Variants in KIF24 observed in about 807,000 individuals in gnomAD.
KIF24 encodes the protein kinesin family member 24, also known as kinesin-like protein KIF24.
Under a neutral mutation model 118.9 loss-of-function variants are expected in KIF24, and 81 were observed. The observed-to-expected ratio is 0.68, with a 90% CI of 0.57 to 0.82. The LOEUF is 0.82. KIF24 is among the 40% of genes least tolerant of loss of function. The pLI, the probability that KIF24 is intolerant of heterozygous loss-of-function variation, is 0.00. For synonymous variants in KIF24, 599 were observed against 610.0 expected (o/e 0.98, Z 0.27); for missense variants, 1,560 against 1,661.6 (o/e 0.94, Z 1.06).
At chr9:34,282,722 C>G (rs1379451021) in intron 6 of KIF24, 3 of 152,008 alleles carry the variant, frequency 2.0e-5, no homozygotes, top group Non-Finnish European at 2.9e-5. Flanking sequence ...TACATTTGAT[C>G]TTAGCCAAAA....
At chr9:34,321,845 G>A (rs1837536213) in intron 1 of KIF24, among the ~76,000 whole-genome samples, 1 of 151,676 alleles carries the variant, frequency 6.6e-6, no homozygotes, top group Non-Finnish European at 1.5e-5. Context: ...GGGCTCAAGC[G>A]ATCCTCTTGC....
chr9:34,316,772 G>T (rs552754686), intron 1 of KIF24, among the ~76,000 whole-genome samples: 2 of 152,210 alleles, frequency 1.3e-5, no homozygotes, highest in South Asian at 4.2e-4. Flanking sequence ...AACTCCTAAA[G>T]TAAAAATAGT....
At chr9:34,299,215 C>T (rs943021483) in intron 3 of KIF24, among the ~76,000 whole-genome samples, 1 of 151,922 alleles carries the variant, frequency 6.6e-6, no homozygotes, top group Non-Finnish European at 1.5e-5. Flanking sequence ...GAGTCTCACT[C>T]TGTTGCCCAG....
chr9:34,317,142 G>A (rs748992532), intron 1 of KIF24, among the ~76,000 whole-genome samples: 3 of 151,768 alleles, frequency 2.0e-5, no homozygotes, highest in Non-Finnish European at 2.9e-5. Flanking sequence ...CACTTGTACC[G>A]GGAAAGTGGA....
chr9:34,284,506 A>G (rs1300126976), intron 6 of KIF24, among the ~76,000 whole-genome samples: 1 of 152,192 alleles, frequency 6.6e-6, no homozygotes, highest in Non-Finnish European at 1.5e-5. Context: ...TACAGAAAAT[A>G]AAAATGAAGA....
Position 34,318,998 on chromosome 9 carries a change from C to A in KIF24, c.-25-7627G>T. On this transcript the variant is annotated intron_variant, in intron 1 of 12. Coordinates refer to ENST00000402558, the MANE Select transcript of KIF24 (RefSeq NM_194313.4). The surrounding 1 kb of genome is among the most constrained non-coding windows in gnomAD (Gnocchi z 4.9). The stretch of plus-strand genomic sequence containing the variant: ...GGACATGGAGTGCATGGATGGCGCC[C>A]TGCTTGTCAACACCATGTTCTTCAA... 6 of 1,239,660 alleles carry A rather than the reference C, an allele frequency of 4.8e-6. No homozygotes were observed. The South Asian group carries it at 6.0e-5, about 12-fold the overall frequency. The allele number at this position is 1,239,660 out of a possible 1,614,324, so 76.8% of individuals were successfully genotyped here.
chr9:34,268,082 A>C (rs915873719), intron 8 of KIF24, among the ~76,000 whole-genome samples: 1 of 152,230 alleles, frequency 6.6e-6, no homozygotes, highest in Non-Finnish European at 1.5e-5. Flanking sequence ...TATAATACTT[A>C]TTGGATAATA....
In KIF24 at chr9:34,262,380, G is replaced by A. The variant is rs138861316; in HGVS notation, c.1515+721C>T. ...ATGACAGGCTGAGTATCCCTTCTCC[G>A]AAACGCTTGGGAAGAAAAGTTGTTT... On this transcript the variant is annotated intron_variant, in intron 9 of 12. Coordinates refer to ENST00000402558, the MANE Select transcript of KIF24 (RefSeq NM_194313.4). Among the ~76,000 whole-genome samples, 173 of 151,990 alleles carry A rather than the reference G, an allele frequency of 1.1e-3. 1 individual carries two copies. The highest frequency in any genetic ancestry group is 1.9e-3 in the Admixed American group (29 of 15,256).
In KIF24 at chr9:34,259,600, C is replaced by A; in HGVS notation, c.1621G>T (p.Asp541Tyr). ...EHTLNTLRYA[D>Y]RVKELKKGIK... ...GCCATCTGGGAGCTGACTTACCGGT[C>A]AGCATAGCGCAAGGTGTTGAGAGTG... The change falls in exon 10 of 13, where the codon GAC becomes TAC. Residue 541 changes from aspartate to tyrosine, a missense_variant. By Grantham distance (160) the Asp-to-Tyr change is radical. Around this residue, in one of 3 missense-constraint regions of KIF24, gnomAD observed 964 missense variants for 988.0 expected, o/e 0.98. Transcript: ENST00000402558. The A allele has an allele frequency of 1.9e-6, 3 of 1,613,132 alleles. No homozygotes were observed. In the South Asian group the frequency reaches 3.3e-5, roughly 18 times the overall value.
intron 5 of KIF24, among the ~76,000 whole-genome samples, chr9:34,288,479 C>T (rs1190884570): frequency 6.6e-6 from 1 of 151,332 alleles, no homozygotes. Flanking sequence ...CAGAGCAATA[C>T]CTTGCCTCAG....
chr9:34,282,661 G>C (rs1835889291), intron 6 of KIF24: 1 of 151,030 alleles, frequency 6.6e-6, no homozygotes, highest in Non-Finnish European at 1.5e-5. Flanking sequence ...GCTGAGAAAA[G>C]ATACTACACT....
At chr9:34,287,326 G>A (rs1383976479) in intron 5 of KIF24, among the ~76,000 whole-genome samples, 4 of 152,310 alleles carry the variant, frequency 2.6e-5, no homozygotes, top group African/African-American at 9.6e-5. Flanking sequence ...GCTTAAGCTA[G>A]TACACATGGG....
intron 1 of KIF24, among the ~76,000 whole-genome samples, chr9:34,314,150 T>G (rs887159932): frequency 6.6e-6 from 1 of 151,524 alleles, no homozygotes; most frequent in Non-Finnish European, 1.5e-5. Flanking sequence ...GACACTTGGG[T>G]TTTTTTGTTG....
rs988254322 is a variant in KIF24, at chr9:34,318,319, G to GAGCCAGCCC, written c.-25-6957_-25-6949dup. The GAGCCAGCCC allele has an allele frequency of 1.7e-6, 1 of 579,564 alleles. No homozygotes were observed. The highest frequency in any genetic ancestry group is 1.9e-5 in the African/African-American group (1 of 53,400). 35.9% of individuals were successfully genotyped at this position (579,564 alleles called of 1,614,324 possible). A position where few individuals can be genotyped will look rare whatever the true frequency, so the allele number is the denominator to read the frequency against. Reference sequence around the variant, plus strand: ...GCTCGAGAGCGAGACTCCCGTCTTGGAGCCAGCCCAGCCCAACCCAGCCCA... The same window carrying GAGCCAGCCC: ...GCTCGAGAGCGAGACTCCCGTCTTGGAGCCAGCCCAGCCAGCCCAGCCCAACCCAGCCCA... On this transcript the variant is annotated intron_variant, in intron 1 of 12. Transcript: ENST00000402558. This position sits in a 1 kb window ranked among gnomAD's most constrained non-coding sequence, Gnocchi z 4.9.
chr9:34,299,776 T>C (rs1378592779), intron 3 of KIF24, among the ~76,000 whole-genome samples: 1 of 151,138 alleles, frequency 6.6e-6, no homozygotes, highest in African/African-American at 2.4e-5. Flanking sequence ...TATATATTCT[T>C]TTATATATAT....
chr9:34,288,678 T>G (rs1319738030), intron 5 of KIF24, among the ~76,000 whole-genome samples: 1 of 152,008 alleles, frequency 6.6e-6, no homozygotes, highest in Non-Finnish European at 1.5e-5. Context: ...AGCATAGGTC[T>G]TCCCTAGTGA....
intron 1 of KIF24, among the ~76,000 whole-genome samples, chr9:34,312,306 C>G (rs912815800): frequency 5.3e-5 from 8 of 152,104 alleles, no homozygotes; most frequent in African/African-American, 1.9e-4. Context: ...ATTTTAATAT[C>G]AAGATATTTA....
rs775916646 is a variant in KIF24 at position 34,257,738 on chromosome 9, T to A, written c.1869A>T (p.Ala623=). 1 of 1,613,908 alleles carries A rather than the reference T, an allele frequency of 6.2e-7. No homozygotes were observed. The highest frequency in any genetic ancestry group is 1.7e-5 in the Admixed American group (1 of 60,004). Residue 623 remains alanine, a synonymous_variant, in exon 11 of 13, where the codon GCA becomes GCT. Transcript: ENST00000402558. ...SHPPNIPFTS[A]PKVSGKRGGS... is the part of the protein sequence containing the mutation. ...CACCCCTTTTACCAGAGACCTTAGG[T>A]GCAGAAGTAAAAGGAATGTTGGGTG... is the stretch of plus-strand genomic sequence containing the variant.
intron 1 of KIF24, among the ~76,000 whole-genome samples, chr9:34,326,327 G>A (rs1370195576): frequency 1.3e-5 from 2 of 152,130 alleles, no homozygotes; most frequent in African/African-American, 4.8e-5. Flanking sequence ...AGTTCAGTGT[G>A]GGCAACAGGG....
Sources: allele counts gnomAD v4.1 joint callset (sites outside exome capture counted in the v4.1 genomes callset), GRCh38; gene constraint gnomAD v4.1.1; regional missense constraint gnomAD v4.1.1; non-coding constraint Gnocchi (gnomAD v3.1); transcripts MANE v1.5; gene names NCBI Gene and HGNC (gene_info 2026-07-23, HGNC 2026-07-21).